Variants in ENTREP2 observed in about 807,000 individuals in gnomAD.
ENTREP2 encodes the protein endosomal transmembrane epsin interactor 2.
the ENTREP2 span, among the ~76,000 whole-genome samples, chr15:29,152,650 C>T: frequency 3.9e-5 from 6 of 152,126 alleles, no homozygotes; most frequent in East Asian, 1.9e-4. Context: ...TATGGATGTA[C>T]CACATTGGTT....
chr15:29,202,508 G>T, the ENTREP2 span, among the ~76,000 whole-genome samples: 31 of 152,004 alleles, frequency 2.0e-4, 1 homozygote, highest in Non-Finnish European at 4.6e-4. Flanking sequence ...TGGGATACAG[G>T]TGCAGAATGT....
the ENTREP2 span, among the ~76,000 whole-genome samples, chr15:29,346,181 C>A: frequency 1.6e-4 from 24 of 152,088 alleles, no homozygotes; most frequent in African/African-American, 5.6e-4. Flanking sequence ...TCAGGGAGGG[C>A]AAGGGCAAGG....
At chr15:29,487,137 G>A in the ENTREP2 span, among the ~76,000 whole-genome samples, 3 of 152,140 alleles carry the variant, frequency 2.0e-5, no homozygotes, top group Non-Finnish European at 4.4e-5. Context: ...ATATCACTCT[G>A]TATCCCATAA....
the ENTREP2 span, among the ~76,000 whole-genome samples, chr15:29,192,037 A>C: frequency 1.3e-5 from 2 of 152,186 alleles, no homozygotes; most frequent in African/African-American, 2.4e-5. Flanking sequence ...TTACTGTGCC[A>C]GTGGGAAAGA....
At chr15:29,159,436 G>C in the ENTREP2 span, among the ~76,000 whole-genome samples, 3 of 152,168 alleles carry the variant, frequency 2.0e-5, no homozygotes, top group East Asian at 1.9e-4. Flanking sequence ...GCATAGAAAA[G>C]GACAGGGCCG....
chr15:29,587,884 C>G, the ENTREP2 span, among the ~76,000 whole-genome samples: 13 of 152,240 alleles, frequency 8.5e-5, no homozygotes, highest in East Asian at 1.7e-3. Flanking sequence ...GTCTCAAATT[C>G]TTAATCTCAA....
chr15:29,237,176 T>C, the ENTREP2 span, among the ~76,000 whole-genome samples: 2 of 152,238 alleles, frequency 1.3e-5, no homozygotes, highest in African/African-American at 4.8e-5. Context: ...AAATGTGTTT[T>C]GCCCATTTTC....
chr15:29,636,125 A>T, the ENTREP2 span, among the ~76,000 whole-genome samples: 6 of 152,214 alleles, frequency 3.9e-5, no homozygotes, highest in Non-Finnish European at 7.3e-5. Flanking sequence ...TTTGCAGCTC[A>T]TTCCAAGCCT....
At chr15:29,264,642 T>C in the ENTREP2 span, among the ~76,000 whole-genome samples, 2 of 152,132 alleles carry the variant, frequency 1.3e-5, no homozygotes, top group Non-Finnish European at 2.9e-5. Flanking sequence ...ATTCTTCAAG[T>C]GAAGGTCATA....
the ENTREP2 span, among the ~76,000 whole-genome samples, chr15:29,602,122 A>G: frequency 6.6e-6 from 1 of 152,254 alleles, no homozygotes; most frequent in Non-Finnish European, 1.5e-5. Flanking sequence ...AACCACGAGA[A>G]GCAAAGCCTG....
At chr15:29,304,490 A>C in the ENTREP2 span, among the ~76,000 whole-genome samples, 4 of 152,156 alleles carry the variant, frequency 2.6e-5, no homozygotes, top group East Asian at 5.8e-4. Context: ...TAAGAAAATC[A>C]CTCAAAACCA....
the ENTREP2 span, among the ~76,000 whole-genome samples, chr15:29,637,418 T>C: frequency 2.0e-5 from 3 of 152,124 alleles, no homozygotes; most frequent in Non-Finnish European, 4.4e-5. Context: ...CTCCCTAGAC[T>C]CATTTCTCAG....
chr15:29,483,353 A>AT, the ENTREP2 span, among the ~76,000 whole-genome samples: 2 of 152,138 alleles, frequency 1.3e-5, no homozygotes, highest in African/African-American at 4.8e-5. Context: ...CAGCTTACCA[A>AT]TTTTTTCTTT....
chr15:29,429,181 A>G, the ENTREP2 span, among the ~76,000 whole-genome samples: 1 of 139,150 alleles, frequency 7.2e-6, no homozygotes, highest in Non-Finnish European at 1.6e-5. Flanking sequence ...CCATCTTGAG[A>G]TGTCTATCTA....
chr15:29,438,792 G>A, the ENTREP2 span, among the ~76,000 whole-genome samples: 68,364 of 151,888 alleles, frequency 0.45, 15,716 homozygotes, highest in African/African-American at 0.53. Context: ...GTTAACACCC[G>A]TAAGGGAAGA....
chr15:29,119,648 TAATAA>T, the ENTREP2 span, among the ~76,000 whole-genome samples: 2 of 4,124 alleles, frequency 4.8e-4, 1 homozygote, highest in Non-Finnish European at 5.0e-3. Context: ...TAAAATAAAA[TAATAA>T]AATAATTCAC....
chr15:29,316,524 C>G, the ENTREP2 span, among the ~76,000 whole-genome samples: 1 of 152,192 alleles, frequency 6.6e-6, no homozygotes, highest in Admixed American at 6.5e-5. Flanking sequence ...GCCACCTTCT[C>G]TTTTAGAGGT....
At chr15:29,570,558 G>A in the ENTREP2 span, 2 of 1,470,204 alleles carry the variant, frequency 1.4e-6, no homozygotes, top group Non-Finnish European at 1.8e-6. Context: ...GAGGTGGTGA[G>A]CGCCAGCGCG....
At chr15:29,466,772 C>A in the ENTREP2 span, among the ~76,000 whole-genome samples, 1 of 129,682 alleles carries the variant, frequency 7.7e-6, no homozygotes, top group Non-Finnish European at 1.6e-5. Context: ...ACGCTGCAGC[C>A]CCCAGGAGAG....
Sources: gnomAD v4.1 joint callset for allele counts (sites outside exome capture counted in the v4.1 genomes callset) on GRCh38, gnomAD v4.1.1 for gene constraint, MANE v1.5 for transcripts, NCBI Gene and HGNC (gene_info 2026-07-23, HGNC 2026-07-21) for gene names.